Variants in MAPK3 observed in about 807,000 individuals in gnomAD.
The protein encoded by MAPK3 is MAPK 1.
Under a neutral mutation model 41.8 loss-of-function variants are expected in MAPK3, and 30 were observed. The ratio of observed to expected loss-of-function variants is 0.72; its 90% CI spans 0.54 to 0.97. MAPK3 has a LOEUF of 0.97. Ranked by LOEUF, MAPK3 falls within the 50% of genes least tolerant of loss-of-function variation. The pLI, the probability that MAPK3 is intolerant of heterozygous loss-of-function variation, is 0.00. For synonymous variants in MAPK3, 222 were observed against 213.4 expected, an observed-to-expected ratio of 1.04 and a Z score of -0.35; for missense variants, 413 against 509.9, an observed-to-expected ratio of 0.81 and a Z score of 1.83.
At chr16:30,118,766 T>A (rs1458189685) in intron 2 of MAPK3, among the ~76,000 whole-genome samples, 2 of 152,046 alleles carry the variant, frequency 1.3e-5, no homozygotes, top group African/African-American at 4.8e-5. Flanking sequence ...AGGGGCTTCA[T>A]TTCTGAGGCC....
At chr16:30,122,093 G>C in intron 1 of MAPK3, 87 bp from the exon 2 acceptor site, 1 of 1,312,772 alleles carries the variant, frequency 7.6e-7, no homozygotes, top group Non-Finnish European at 1.1e-6. Flanking sequence ...TGGCAGGGAG[G>C]GGAGAGAGCA....
intron 2 of MAPK3, among the ~76,000 whole-genome samples, chr16:30,119,385 C>G (rs1292741506): frequency 1.3e-5 from 2 of 152,016 alleles, no homozygotes; most frequent in Non-Finnish European, 2.9e-5. Context: ...CTCATGGGTT[C>G]AAGTGTTCCT....
chr16:30,119,242 C>T (rs2072992383), intron 2 of MAPK3, among the ~76,000 whole-genome samples: 1 of 151,856 alleles, frequency 6.6e-6, no homozygotes, highest in Non-Finnish European at 1.5e-5. Flanking sequence ...TACTCACTGG[C>T]TTTAGGATCT....
At chr16:30,122,994 A>G in intron 1 of MAPK3, 46 bp downstream of exon 1, 1 of 1,369,562 alleles carries the variant, frequency 7.3e-7, no homozygotes, top group Non-Finnish European at 9.6e-7. Flanking sequence ...TCTCCCGCGA[A>G]GCCCCCTCCC....
In MAPK3 at chr16:30,123,110, GCCCCTT is replaced by G; in HGVS notation, c.94_99del (p.Lys32_Gly33del). On this transcript the variant is annotated inframe_deletion, in exon 1 of 9. Coordinates refer to ENST00000263025, the MANE Select transcript of MAPK3 (RefSeq NM_002746.3). ...TAGCGCGGGCCCACGTCGAACGGCT[GCCCCTT>G]CACCATCTCCACCTCCCCCGGGACC... is the stretch of plus-strand genomic sequence containing the variant. 6.4e-7 allele frequency: 1 copy of G among 1,572,024 alleles called. No homozygotes were observed. The highest frequency in any genetic ancestry group is 8.6e-7 in the Non-Finnish European group (1 of 1,160,356).
intron 1 of MAPK3, chr16:30,122,765 G>A: frequency 3.0e-6 from 1 of 337,614 alleles, no homozygotes; most frequent in East Asian, 4.5e-5. Context: ...TAGGGTCCCC[G>A]CGGGCCCCCA....
intron 2 of MAPK3, among the ~76,000 whole-genome samples, chr16:30,119,263 G>A (rs2072992644): frequency 6.6e-6 from 1 of 151,990 alleles, no homozygotes; most frequent in African/African-American, 2.4e-5. Flanking sequence ...CAACCTGTCT[G>A]TGCCTCAACT....
chr16:30,122,011 G>A lies in MAPK3; in HGVS notation c.171-5C>T, dbSNP rs745896468. On this transcript the variant is annotated splice_region_variant and splice_polypyrimidine_tract_variant and intron_variant, in intron 1 of 8. Transcript: ENST00000263025. ...CGCACGTGGTCATAGGCCGAGCTGA[G>A]GGGACCGGAGAGAGGCTGCTGCTGT... 1 of 1,613,888 alleles carries A rather than the reference G, an allele frequency of 6.2e-7. No homozygotes were observed. The highest frequency in any genetic ancestry group is 2.2e-5 in the East Asian group (1 of 44,872).
At chr16:30,120,303 C>A (rs1014971024) in intron 2 of MAPK3, among the ~76,000 whole-genome samples, 3 of 152,122 alleles carry the variant, frequency 2.0e-5, no homozygotes, top group African/African-American at 7.2e-5. Context: ...GATCACACAG[C>A]GAGCTGGGGG....
intron 7 of MAPK3, 51 bp downstream of exon 7, chr16:30,116,843 G>GC (rs1389475281): frequency 1.2e-6 from 2 of 1,613,220 alleles, no homozygotes; most frequent in Non-Finnish European, 1.7e-6. Context: ...ATGCCTACGT[G>GC]CCCCCCTGCT....
In MAPK3 at chr16:30,116,680, C is replaced by CA; in HGVS notation, c.1127dup (p.Glu377GlyfsTer56). 1.2e-6 allele frequency: 2 copies of CA among 1,613,526 alleles called. No individual in the cohort carries two copies. The highest frequency in any genetic ancestry group is 1.7e-6 in the Non-Finnish European group (2 of 1,179,978). On this transcript the variant is annotated frameshift_variant, in exon 8 of 9. Coordinates refer to ENST00000263025, the MANE Select transcript of MAPK3 (RefSeq NM_002746.3). LOFTEE classifies it high-confidence loss of function. ...ATGTCTGTCTGGGCTAGGGGGCCTC[C>CA]AGCACTCCGGGCTGGAAGCGTGCTG...
intron 5 of MAPK3, 85 bp downstream of exon 5, chr16:30,117,585 G>A: frequency 9.8e-7 from 1 of 1,022,374 alleles, no homozygotes; most frequent in Non-Finnish European, 1.6e-6. Flanking sequence ...CCCCACACGT[G>A]GTGGTATCCC....
intron 2 of MAPK3, among the ~76,000 whole-genome samples, chr16:30,119,170 A>T (rs937683931): frequency 1.3e-5 from 2 of 151,248 alleles, no homozygotes; most frequent in African/African-American, 2.4e-5. Flanking sequence ...AAAAAAAAAA[A>T]ACCTACAAAA....
Position 30,117,500 on chromosome 16 carries a change from T to C in MAPK3, c.775+170A>G, listed in dbSNP as rs189472654. The stretch of plus-strand genomic sequence containing the variant: ...CTGGTGCCTCCTCAGGTGTGGGACT[T>C]AGCCTTGCTTTTCCCATCTATCCAA... On this transcript the variant is annotated intron_variant, in intron 5 of 8. Coordinates refer to ENST00000263025, the MANE Select transcript of MAPK3 (RefSeq NM_002746.3). Among the ~76,000 whole-genome samples, 301 of 152,184 alleles carry C rather than the reference T, an allele frequency of 2.0e-3. 2 individuals carry two copies. Among genetic ancestry groups the C allele is most frequent in the Non-Finnish European group, 1.4e-3 (92 of 68,000 alleles).
At position 30,122,003 on chromosome 16, in the gene MAPK3, C is replaced by T. The variant is rs577985305; in HGVS notation, c.174G>A (p.Ser58=). ...GAGTCTTGCGCACGTGGTCATAGGC[C>T]GAGCTGAGGGGACCGGAGAGAGGCT... ...IGEGAYGMVS[S]AYDHVRKTRV... Residue 58 remains serine (S), a synonymous_variant, in exon 2 of 9, where the codon TCG becomes TCA. Coordinates refer to ENST00000263025, the MANE Select transcript of MAPK3 (RefSeq NM_002746.3). 5 of 1,613,952 alleles carry T rather than the reference C, an allele frequency of 3.1e-6. No individual in the cohort carries two copies. Among genetic ancestry groups the T allele is most frequent in the African/African-American group, 1.3e-5 (1 of 75,030 alleles).
intron 6 of MAPK3, 44 bp downstream of exon 6, chr16:30,117,110 G>T: frequency 6.2e-7 from 1 of 1,611,318 alleles, no homozygotes; most frequent in East Asian, 2.2e-5. Context: ...CACCCTCCAC[G>T]ACACCCAAGG....
rs752512625 is a variant in MAPK3 at position 30,116,781 on chromosome 16, C to T, written c.1027G>A (p.Glu343Lys). 1.9e-5 allele frequency: 30 copies of T among 1,613,744 alleles called. No individual in the cohort carries two copies. Among genetic ancestry groups the T allele is most frequent in the African/African-American group, 2.7e-5 (2 of 74,852 alleles). Reference sequence around the variant, plus strand: ...TCCATGGCGAAGGTGAAGGGCTCCTCGGCCACTGGCTGGGGTGGTAGAGAC... The same window carrying T: ...TCCATGGCGAAGGTGAAGGGCTCCTTGGCCACTGGCTGGGGTGGTAGAGAC... ...YYDPTDEPVA[E>K]EPFTFAMELD... The change falls in exon 8 of 9, where the codon GAG becomes AAG. Residue 343 changes from glutamate to lysine, a missense_variant. Around this residue, in one of 4 missense-constraint regions of MAPK3, gnomAD observed 123 missense variants for 147.8 expected, o/e 0.83. Transcript: ENST00000263025.
At chr16:30,117,957 T>G in intron 4 of MAPK3, 90 bp downstream of exon 4, 1 of 1,253,344 alleles carries the variant, frequency 8.0e-7, no homozygotes, top group Non-Finnish European at 1.2e-6. Context: ...AGAATTCCTG[T>G]GTCATGGGGG....
In MAPK3 at chr16:30,116,782, G is replaced by A. The variant is rs370014223; in HGVS notation, c.1026C>T (p.Ala342=). ...CCATGGCGAAGGTGAAGGGCTCCTCGGCCACTGGCTGGGGTGGTAGAGACA... is the reference window on the plus strand; with the variant it reads ...CCATGGCGAAGGTGAAGGGCTCCTCAGCCACTGGCTGGGGTGGTAGAGACA... ...QYYDPTDEPV[A]EEPFTFAMEL... is the part of the protein sequence containing the mutation. Residue 342 remains alanine (A), a synonymous_variant, in exon 8 of 9, where the codon GCC becomes GCT. Transcript: ENST00000263025. 3.6e-5 allele frequency: 58 copies of A among 1,613,766 alleles called. No individual in the cohort carries two copies. In the East Asian group the frequency reaches 4.2e-4, roughly 12 times the overall value.
Sources: allele counts gnomAD v4.1 joint callset (sites outside exome capture counted in the v4.1 genomes callset), GRCh38; gene constraint gnomAD v4.1.1; regional missense constraint gnomAD v4.1.1; transcripts MANE v1.5; gene names NCBI Gene and HGNC (gene_info 2026-07-23, HGNC 2026-07-21).